EPHA6: variants seen among roughly 807,000 people sequenced by gnomAD.
The protein encoded by EPHA6 is EPH receptor A6.
EPHA6 carries 50 observed loss-of-function variants against 112.0 expected under a neutral mutation model. The ratio of observed to expected loss-of-function variants is 0.45; its 90% CI spans 0.36 to 0.56. EPHA6 has a LOEUF of 0.56. Ranked by LOEUF, EPHA6 falls within the 20% of genes least tolerant of loss-of-function variation. The pLI is 0.00. For missense variants in EPHA6, 1,280 were observed against 1,417.4 expected (o/e 0.90, Z 1.56); for synonymous variants, 529 against 490.7 (o/e 1.08, Z -1.03).
intron 5 of EPHA6, among the ~76,000 whole-genome samples, chr3:97,345,693 C>A (rs2083500634): frequency 6.6e-6 from 1 of 152,034 alleles, no homozygotes; most frequent in Non-Finnish European, 1.5e-5. Flanking sequence ...ACACTATATT[C>A]TGAATTCCAG....
At chr3:97,289,178 T>C (rs1394086683) in intron 5 of EPHA6, among the ~76,000 whole-genome samples, 5 of 152,150 alleles carry the variant, frequency 3.3e-5, no homozygotes, top group African/African-American at 1.2e-4. Context: ...AGAATGGCAT[T>C]TCCTAGGTTT....
chr3:97,149,328 T>A (rs2076115251), intron 3 of EPHA6, among the ~76,000 whole-genome samples: 1 of 152,130 alleles, frequency 6.6e-6, no homozygotes, highest in Admixed American at 6.6e-5. Context: ...GAAGGATGCT[T>A]GGCAATCGTG....
intron 2 of EPHA6, among the ~76,000 whole-genome samples, chr3:96,984,751 G>T (rs528695169): frequency 5.9e-5 from 9 of 152,194 alleles, no homozygotes; most frequent in Non-Finnish European, 1.2e-4. Context: ...CCTCAGCAAT[G>T]GTGGGCGTCC....
chr3:97,752,664 TG>T lies in EPHA6; in HGVS notation c.*3964del, dbSNP rs1230662277. On this transcript the variant is annotated 3_prime_UTR_variant, in exon 18 of 18. Coordinates refer to ENST00000389672, the MANE Select transcript of EPHA6 (RefSeq NM_001080448.3). ...GTTCTATCACATAATTGAGAACATT[TG>T]TACTCACAGAGGATATGGGTTCTGG... is the stretch of plus-strand genomic sequence containing the variant. Among the ~76,000 whole-genome samples the T allele has an allele frequency of 1.3e-5, 2 of 152,132 alleles. No homozygotes were observed. Among genetic ancestry groups the T allele is most frequent in the Non-Finnish European group, 2.9e-5 (2 of 67,980 alleles).
intron 5 of EPHA6, among the ~76,000 whole-genome samples, chr3:97,329,539 GT>G (rs1553748330): frequency 2.0e-5 from 3 of 150,576 alleles, no homozygotes; most frequent in Non-Finnish European, 3.0e-5. Flanking sequence ...TCTCATTGTG[GT>G]TTTGATTTGC....
chr3:97,338,363 G>A (rs1190809346), intron 5 of EPHA6, among the ~76,000 whole-genome samples: 1 of 152,010 alleles, frequency 6.6e-6, no homozygotes, highest in East Asian at 1.9e-4. Flanking sequence ...TGATACCTGG[G>A]GGGTCCTTGA....
At chr3:96,864,463 G>A (rs980289460) in intron 1 of EPHA6, among the ~76,000 whole-genome samples, 3 of 152,002 alleles carry the variant, frequency 2.0e-5, no homozygotes, top group African/African-American at 7.2e-5. Context: ...CATGCTATAT[G>A]ATTTCATTTA....
chr3:97,374,457 T>A (rs562954626), intron 5 of EPHA6, among the ~76,000 whole-genome samples: 1 of 152,288 alleles, frequency 6.6e-6, no homozygotes, highest in African/African-American at 2.4e-5. Context: ...TCTCTTCATC[T>A]TGACAAGCCA....
chr3:97,256,304 A>G (rs141237250), intron 5 of EPHA6, among the ~76,000 whole-genome samples: 1 of 152,130 alleles, frequency 6.6e-6, no homozygotes, highest in African/African-American at 2.4e-5. Flanking sequence ...ATCTGCCTTC[A>G]TGTGACTTTT....
intron 2 of EPHA6, among the ~76,000 whole-genome samples, chr3:96,939,455 C>T (rs2040806381): frequency 6.6e-6 from 1 of 151,816 alleles, no homozygotes; most frequent in Admixed American, 6.6e-5. Flanking sequence ...TGGTAATATC[C>T]CCTTTATCAT....
chr3:97,718,099 G>A (rs934688665), intron 14 of EPHA6, among the ~76,000 whole-genome samples: 7 of 152,088 alleles, frequency 4.6e-5, no homozygotes, highest in Non-Finnish European at 5.9e-5. Context: ...ATATGTTCTC[G>A]GGTCAAATTG....
chr3:96,963,975 T>C (rs2042035257), intron 2 of EPHA6, among the ~76,000 whole-genome samples: 1 of 152,122 alleles, frequency 6.6e-6, no homozygotes, highest in Non-Finnish European at 1.5e-5. Flanking sequence ...TCCAGTAGTC[T>C]TTTTAAAATT....
chr3:97,646,916 G>A (rs2094069139), intron 14 of EPHA6, among the ~76,000 whole-genome samples: 1 of 152,102 alleles, frequency 6.6e-6, no homozygotes, highest in African/African-American at 2.4e-5. Flanking sequence ...TCACAGCTGA[G>A]GGACCCTGAA....
At chr3:97,066,872 C>T (rs1421159011) in intron 3 of EPHA6, among the ~76,000 whole-genome samples, 1 of 151,974 alleles carries the variant, frequency 6.6e-6, no homozygotes, top group African/African-American at 2.4e-5. Context: ...AGGACATATC[C>T]AGAGATAATT....
At chr3:97,521,186 T>A (rs2092537194) in intron 10 of EPHA6, among the ~76,000 whole-genome samples, 2 of 151,932 alleles carry the variant, frequency 1.3e-5, no homozygotes. Context: ...TTTTCTCTGA[T>A]TTTATAAATT....
chr3:97,223,960 T>C (rs2078277708), intron 3 of EPHA6, among the ~76,000 whole-genome samples: 1 of 151,984 alleles, frequency 6.6e-6, no homozygotes, highest in Admixed American at 6.5e-5. Flanking sequence ...TGTGAGGTTA[T>C]TGGGCACTTG....
intron 3 of EPHA6, among the ~76,000 whole-genome samples, chr3:97,144,692 C>T (rs543448559): frequency 5.9e-4 from 89 of 151,302 alleles, no homozygotes; most frequent in African/African-American, 1.9e-3. Flanking sequence ...ATCTTCATTA[C>T]GTCTTTCTTA....
At chr3:97,395,782 G>T (rs2086662174) in intron 5 of EPHA6, among the ~76,000 whole-genome samples, 1 of 151,452 alleles carries the variant, frequency 6.6e-6, no homozygotes, top group African/African-American at 2.4e-5. Context: ...AAGAAATAAG[G>T]CAGTAAAAAG....
intron 3 of EPHA6, among the ~76,000 whole-genome samples, chr3:97,134,107 AAAC>A (rs2075709707): frequency 1.3e-5 from 2 of 151,770 alleles, no homozygotes; most frequent in Admixed American, 1.3e-4. Context: ...GGTCAGTTAA[AAAC>A]AAATGAAGAG....
Sources: allele counts gnomAD v4.1 joint callset (sites outside exome capture counted in the v4.1 genomes callset), GRCh38; gene constraint gnomAD v4.1.1; transcripts MANE v1.5; gene names NCBI Gene and HGNC (gene_info 2026-07-23, HGNC 2026-07-21).